The following CDH4 variants were observed in gnomAD, a reference collection of about 807,000 sequenced individuals.
CDH4 encodes the protein cadherin-4.
In CDH4, 33 loss-of-function variants were observed where a neutral mutation model predicts 86.0. The ratio of observed to expected loss-of-function variants is 0.38; its 90% CI spans 0.29 to 0.51. The LOEUF is 0.51. Ranked by LOEUF, CDH4 falls within the 20% of genes least tolerant of loss-of-function variation. CDH4 has a pLI of 0.86. For missense variants in CDH4, 1,114 were observed against 1,307.4 expected (o/e 0.85, Z 2.28); for synonymous variants, 555 against 549.4 (o/e 1.01, Z -0.14).
intron 13 of CDH4, among the ~76,000 whole-genome samples, chr20:61,930,680 C>G (rs1346677040): frequency 1.3e-5 from 2 of 152,240 alleles, no homozygotes; most frequent in African/African-American, 4.8e-5. Flanking sequence ...TATGAGGACT[C>G]TGCTTTTTTC....
rs553310882 is a variant in CDH4, at chr20:61,900,005, C to T, written c.1188+4958C>T. The stretch of plus-strand genomic sequence containing the variant: ...CCTTCTGGAAGTTCCCTCCCCAAGC[C>T]GCCCGAGGATGCTGCCTGCGGTCCC... On this transcript the variant is annotated intron_variant, in intron 8 of 15. Transcript: ENST00000614565. Among the ~76,000 whole-genome samples the T allele has an allele frequency of 1.2e-4, 19 of 152,344 alleles. No individual in the cohort carries two copies. The South Asian group carries it at 1.5e-3, about 12-fold the overall frequency.
chr20:61,460,495 G>C (rs998230730), intron 2 of CDH4, among the ~76,000 whole-genome samples: 1 of 152,184 alleles, frequency 6.6e-6, no homozygotes, highest in Non-Finnish European at 1.5e-5. Flanking sequence ...CAGAGCCCCC[G>C]GCCTCACCTG....
At chr20:61,814,117 G>T (rs1233594657) in intron 4 of CDH4, among the ~76,000 whole-genome samples, 1 of 152,192 alleles carries the variant, frequency 6.6e-6, no homozygotes, top group Non-Finnish European at 1.5e-5. Context: ...CGGGGAGCAG[G>T]TCCCCACCTT....
chr20:61,374,077 A>G (rs1390588515), intron 2 of CDH4, among the ~76,000 whole-genome samples: 5 of 152,020 alleles, frequency 3.3e-5, no homozygotes, highest in Admixed American at 6.6e-5. Context: ...CAGAGCATGG[A>G]CCCCAAGTTT....
chr20:61,796,962 G>A (rs1429811980), intron 4 of CDH4, among the ~76,000 whole-genome samples: 1 of 152,140 alleles, frequency 6.6e-6, no homozygotes, highest in Non-Finnish European at 1.5e-5. Flanking sequence ...GCTTGCTTGG[G>A]AGCGCCATAC....
chr20:61,858,683 T>C (rs1233813531), intron 6 of CDH4, among the ~76,000 whole-genome samples: 1 of 152,238 alleles, frequency 6.6e-6, no homozygotes, highest in Admixed American at 6.5e-5. Flanking sequence ...TGTTCCCTTT[T>C]GGGATTGGCT....
chr20:61,926,078 C>T (rs988794572), intron 11 of CDH4, among the ~76,000 whole-genome samples: 2 of 152,196 alleles, frequency 1.3e-5, no homozygotes, highest in African/African-American at 2.4e-5. Flanking sequence ...GACTCAGCAG[C>T]GTCTGCCCCA....
intron 4 of CDH4, among the ~76,000 whole-genome samples, chr20:61,826,656 A>G (rs1166745703): frequency 2.6e-5 from 4 of 152,186 alleles, no homozygotes; most frequent in Non-Finnish European, 5.9e-5. Flanking sequence ...ACCTCCACAA[A>G]TGTTTGTTCT....
intron 4 of CDH4, among the ~76,000 whole-genome samples, chr20:61,781,351 T>G (rs1476098318): frequency 6.6e-6 from 1 of 152,166 alleles, no homozygotes; most frequent in African/African-American, 2.4e-5. Flanking sequence ...GCAAGGCCTT[T>G]AACATAATGC....
intron 2 of CDH4, among the ~76,000 whole-genome samples, chr20:61,535,361 G>A (rs1041457376): frequency 4.6e-5 from 7 of 152,202 alleles, no homozygotes; most frequent in Non-Finnish European, 8.8e-5. Context: ...GCTCAGCCTC[G>A]TGGGCACGGA....
At chr20:61,446,949 T>G (rs1198024574) in intron 2 of CDH4, among the ~76,000 whole-genome samples, 1 of 152,230 alleles carries the variant, frequency 6.6e-6, no homozygotes, top group East Asian at 1.9e-4. Context: ...GGTCATTAGT[T>G]TTTTTCTTTG....
rs754629627 is a variant in CDH4, at chr20:61,873,715, G to C, written c.878-13G>C. The C allele has an allele frequency of 5.6e-6, 9 of 1,610,284 alleles. No homozygotes were observed. Among genetic ancestry groups the C allele is most frequent in the Non-Finnish European group, 7.6e-6 (9 of 1,178,918 alleles). ...GCAGGCCATCCCCATCTGAGCTGCT[G>C]TCTCCGTTCCAGGCACCTACGTGAT... On this transcript the variant is annotated splice_polypyrimidine_tract_variant and intron_variant, in intron 6 of 15. Transcript: ENST00000614565.
intron 2 of CDH4, among the ~76,000 whole-genome samples, chr20:61,435,090 C>G (rs971995153): frequency 2.6e-5 from 4 of 152,174 alleles, no homozygotes; most frequent in African/African-American, 9.7e-5. Flanking sequence ...GTTGAATTAA[C>G]TCATGCTTTG....
intron 7 of CDH4, among the ~76,000 whole-genome samples, chr20:61,885,838 C>T (rs1400662781): frequency 6.6e-6 from 1 of 152,214 alleles, no homozygotes; most frequent in African/African-American, 2.4e-5. Context: ...ACCCAGATCT[C>T]TGTCTGCTCC....
At chr20:61,595,878 G>A (rs188457246) in intron 2 of CDH4, among the ~76,000 whole-genome samples, 83 of 152,354 alleles carry the variant, frequency 5.4e-4, no homozygotes, top group African/African-American at 1.9e-3. Flanking sequence ...GGGGGTGAAT[G>A]ATTCCCGCAC....
At chr20:61,282,000 G>A (rs2084261486) in intron 2 of CDH4, among the ~76,000 whole-genome samples, 2 of 152,186 alleles carry the variant, frequency 1.3e-5, no homozygotes, top group Non-Finnish European at 2.9e-5. Context: ...CAGCAGCCAT[G>A]GTCACGTTGG....
intron 4 of CDH4, among the ~76,000 whole-genome samples, chr20:61,814,380 A>G (rs558071463): frequency 2.6e-5 from 4 of 152,308 alleles, no homozygotes; most frequent in African/African-American, 9.6e-5. Context: ...CCTGTCCCTC[A>G]CTGTGGGCCG....
chr20:61,782,392 G>A (rs2145999930), intron 4 of CDH4, among the ~76,000 whole-genome samples: 1 of 152,220 alleles, frequency 6.6e-6, no homozygotes, highest in East Asian at 1.9e-4. Context: ...AGATCCAGAG[G>A]GAGTGATAAA....
At chr20:61,828,024 C>A (rs1202205876) in intron 4 of CDH4, among the ~76,000 whole-genome samples, 1 of 152,144 alleles carries the variant, frequency 6.6e-6, no homozygotes, top group East Asian at 1.9e-4. Flanking sequence ...AAGCATTTTC[C>A]TGACATTTCT....
Sources: allele counts gnomAD v4.1 joint callset (sites outside exome capture counted in the v4.1 genomes callset), GRCh38; gene constraint gnomAD v4.1.1; transcripts MANE v1.5; gene names NCBI Gene and HGNC (gene_info 2026-07-23, HGNC 2026-07-21).